KCNIP4: variants seen among roughly 807,000 people sequenced by gnomAD.
The protein encoded by KCNIP4 is potassium voltage-gated channel interacting protein 4.
In KCNIP4, 12 loss-of-function variants were observed where a neutral mutation model predicts 34.0. That is an observed-to-expected ratio of 0.35 (90% CI 0.23 to 0.57). The LOEUF is 0.57. KCNIP4 is among the 20% of genes least tolerant of loss of function. The pLI is 0.83. For synonymous variants in KCNIP4, 124 were observed against 102.2 expected, an observed-to-expected ratio of 1.21 and a Z score of -1.29; for missense variants, 238 against 311.7, an observed-to-expected ratio of 0.76 and a Z score of 1.78.
At chr4:21,041,912 G>C (rs1741996198) in intron 1 of KCNIP4, among the ~76,000 whole-genome samples, 1 of 152,140 alleles carries the variant, frequency 6.6e-6, no homozygotes, top group Non-Finnish European at 1.5e-5. Flanking sequence ...TTTGATGTTA[G>C]CCCTGCCACT....
chr4:21,547,673 A>G (rs1374759717), intron 1 of KCNIP4, among the ~76,000 whole-genome samples: 1 of 152,094 alleles, frequency 6.6e-6, no homozygotes, highest in Non-Finnish European at 1.5e-5. Flanking sequence ...ACAATCTCAG[A>G]TACATAAGGC....
intron 1 of KCNIP4, among the ~76,000 whole-genome samples, chr4:21,058,965 T>C (rs750202357): frequency 2.6e-5 from 4 of 152,072 alleles, no homozygotes; most frequent in African/African-American, 4.8e-5. Context: ...AATTGAGTCA[T>C]GATAGTGAAT....
intron 1 of KCNIP4, among the ~76,000 whole-genome samples, chr4:21,694,024 G>T (rs1003580045): frequency 6.6e-6 from 1 of 152,076 alleles, no homozygotes; most frequent in Non-Finnish European, 1.5e-5. Context: ...ACAATGTACA[G>T]AATATTGAAA....
At chr4:21,818,542 G>T (rs1200460654) in intron 1 of KCNIP4, among the ~76,000 whole-genome samples, 1 of 152,160 alleles carries the variant, frequency 6.6e-6, no homozygotes, top group Non-Finnish European at 1.5e-5. Context: ...AAATTAAAAT[G>T]AAATTAAATT....
chr4:21,351,856 G>A (rs965072172), intron 1 of KCNIP4, among the ~76,000 whole-genome samples: 1 of 152,162 alleles, frequency 6.6e-6, no homozygotes, highest in Non-Finnish European at 1.5e-5. Flanking sequence ...AGAACATGGA[G>A]AAAATTAATT....
In KCNIP4 at chr4:21,737,604, G is replaced by A. The variant is rs551917956; in HGVS notation, c.61+210967C>T. Among the ~76,000 whole-genome samples, 6 of 152,220 alleles carry A rather than the reference G, an allele frequency of 3.9e-5. No individual in the cohort carries two copies. In the South Asian group the frequency reaches 1.2e-3, roughly 32 times the overall value. ...TCATATTTCTCAACTCCCAGGCCAG[G>A]AGCCCTCTTCCAGCAGAATGCAGGA... is the stretch of plus-strand genomic sequence containing the variant. On this transcript the variant is annotated intron_variant, in intron 1 of 8. Transcript: ENST00000382152.
intron 1 of KCNIP4, among the ~76,000 whole-genome samples, chr4:21,877,579 C>T (rs965900888): frequency 6.6e-6 from 1 of 152,094 alleles, no homozygotes; most frequent in Non-Finnish European, 1.5e-5. Flanking sequence ...CTTCAATGGC[C>T]ACACTGAATT....
chr4:21,105,792 G>C (rs1326052634), intron 1 of KCNIP4, among the ~76,000 whole-genome samples: 2 of 151,498 alleles, frequency 1.3e-5, no homozygotes, highest in Non-Finnish European at 2.9e-5. Flanking sequence ...TTTATTGAGA[G>C]TTTTTAGCAT....
At chr4:20,966,929 A>G (rs1190827189) in intron 1 of KCNIP4, among the ~76,000 whole-genome samples, 3 of 152,138 alleles carry the variant, frequency 2.0e-5, no homozygotes, top group Non-Finnish European at 4.4e-5. Flanking sequence ...GATGATTTTC[A>G]TCTTATGGGC....
chr4:20,761,215 C>T (rs566758727), intron 3 of KCNIP4, among the ~76,000 whole-genome samples: 4 of 152,216 alleles, frequency 2.6e-5, no homozygotes, highest in Admixed American at 6.5e-5. Context: ...TTCTGAGGCT[C>T]CAGCTTGCCA....
At chr4:21,532,434 A>G (rs1365327024) in intron 1 of KCNIP4, among the ~76,000 whole-genome samples, 2 of 152,168 alleles carry the variant, frequency 1.3e-5, no homozygotes, top group African/African-American at 4.8e-5. Flanking sequence ...CTACTTTAAT[A>G]AAAACACCAA....
intron 1 of KCNIP4, among the ~76,000 whole-genome samples, chr4:21,502,502 T>C (rs1170618000): frequency 1.3e-5 from 2 of 152,260 alleles, no homozygotes; most frequent in East Asian, 3.9e-4. Flanking sequence ...AGGTTTTTAG[T>C]GGGCACAGAT....
At chr4:21,311,644 A>ATGCCACTGCACTCCAGTCTGG (rs920901824) in intron 1 of KCNIP4, among the ~76,000 whole-genome samples, 2 of 142,122 alleles carry the variant, frequency 1.4e-5, no homozygotes, top group African/African-American at 5.8e-5. Flanking sequence ...AGCCGAGATC[A>ATGCCACTGCACTCCAGTCTGG]TGCCACTGCA....
chr4:21,510,072 C>T (rs28440963), intron 1 of KCNIP4, among the ~76,000 whole-genome samples: 8,487 of 131,238 alleles, frequency 0.065, 894 homozygotes, highest in African/African-American at 0.23. Flanking sequence ...AGCAAAACTC[C>T]ATCTCCAAAA....
At chr4:21,340,336 C>A (rs369366668) in intron 1 of KCNIP4, among the ~76,000 whole-genome samples, 1 of 152,004 alleles carries the variant, frequency 6.6e-6, no homozygotes, top group Non-Finnish European at 1.5e-5. Flanking sequence ...TTTTAAAAAC[C>A]TTGTCAGTAT....
chr4:21,593,583 G>A (rs1021523463), intron 1 of KCNIP4, among the ~76,000 whole-genome samples: 12 of 152,116 alleles, frequency 7.9e-5, no homozygotes, highest in Non-Finnish European at 1.8e-4. Context: ...TTATCTATTA[G>A]CACTGCAGAT....
rs531436859 is a variant in KCNIP4 at position 21,370,498 on chromosome 4, T to C, written c.62-487789A>G. ...GATTAAGAAGTTCATTATAAAGTAA[T>C]ATATACAACATATAATAAAGTATAA... is the stretch of plus-strand genomic sequence containing the variant. On this transcript the variant is annotated intron_variant, in intron 1 of 8. Coordinates refer to ENST00000382152, the MANE Select transcript of KCNIP4 (RefSeq NM_025221.6). Among the ~76,000 whole-genome samples the C allele has an allele frequency of 9.0e-5, 13 of 144,984 alleles. 1 individual carries two copies. In the East Asian group the frequency reaches 2.7e-3, roughly 30 times the overall value.
chr4:21,067,294 T>A (rs77716542), intron 1 of KCNIP4, among the ~76,000 whole-genome samples: 1,784 of 152,164 alleles, frequency 0.012, 41 homozygotes, highest in African/African-American at 0.041. Flanking sequence ...GACTCAGAGG[T>A]GTGCTGACTT....
intron 1 of KCNIP4, among the ~76,000 whole-genome samples, chr4:21,403,324 C>T (rs566275392): frequency 3.8e-4 from 58 of 152,292 alleles, no homozygotes; most frequent in South Asian, 8.3e-4. Flanking sequence ...ATATCTAGAA[C>T]CTATAACCAA....
Sources: allele counts gnomAD v4.1 joint callset (sites outside exome capture counted in the v4.1 genomes callset), GRCh38; gene constraint gnomAD v4.1.1; transcripts MANE v1.5; gene names NCBI Gene and HGNC (gene_info 2026-07-23, HGNC 2026-07-21).